Variants in S100A7A observed in about 807,000 individuals in gnomAD.
The protein encoded by S100A7A is protein S100-A7A.
A neutral mutation model predicts 4.0 loss-of-function variants in S100A7A; 5 were observed. The observed-to-expected ratio is 1.26, with a 90% CI of 0.66 to 2.66. The LOEUF is 2.66. Ranked by LOEUF, S100A7A falls within the 30% of genes most tolerant of loss-of-function variation. The pLI is 0.01. For missense variants in S100A7A, 159 were observed against 125.1 expected, an observed-to-expected ratio of 1.27 and a Z score of -1.29; for synonymous variants, 52 against 46.4, an observed-to-expected ratio of 1.12 and a Z score of -0.49.
In S100A7A at chr1:153,420,974, G is replaced by A. The variant is rs1235736395; in HGVS notation, c.*1665G>A. On this transcript the variant is annotated 3_prime_UTR_variant, in exon 3 of 3. Coordinates refer to ENST00000368729, the MANE Select transcript of S100A7A (RefSeq NM_176823.4). ...GTTGTCCTCCTCTCTCCTCCACCGGGACTGCTGGTCACTGCTTAGAACCGT... is the reference window on the plus strand; with the variant it reads ...GTTGTCCTCCTCTCTCCTCCACCGGAACTGCTGGTCACTGCTTAGAACCGT... 1.3e-5 allele frequency: 2 copies of A among 152,414 alleles called. No individual in the cohort carries two copies. Among genetic ancestry groups the A allele is most frequent in the Non-Finnish European group, 2.9e-5 (2 of 68,354 alleles). The allele number at this position is 152,414 out of a possible 1,614,324, so 9.4% of individuals were successfully genotyped here. A position where few individuals can be genotyped will look rare whatever the true frequency, so the allele number is the denominator to read the frequency against.
chr1:153,417,292 A>G (rs1208981160), intron 1 of S100A7A: 1 of 152,188 alleles, frequency 6.6e-6, no homozygotes, highest in Admixed American at 6.5e-5. Flanking sequence ...AGACATTTTT[A>G]TTTAAACAGG....
Position 153,418,051 on chromosome 1 carries a change from CTT to C in S100A7A, c.-17-13_-17-12del. 1.2e-6 allele frequency: 2 copies of C among 1,612,738 alleles called. No homozygotes were observed. Among genetic ancestry groups the C allele is most frequent in the South Asian group, 2.2e-5 (2 of 91,034 alleles). On this transcript the variant is annotated splice_polypyrimidine_tract_variant and intron_variant, in intron 1 of 2. Coordinates refer to ENST00000368729, the MANE Select transcript of S100A7A (RefSeq NM_176823.4). ...TCAAACTAAGGTAAGAAATGATTGT[CTT>C]TATTTCCTGAAGGCTTTTTGAAAGC... is the stretch of plus-strand genomic sequence containing the variant.
rs572385227 is a variant in S100A7A at position 153,419,546 on chromosome 1, G to A, written c.*237G>A. On this transcript the variant is annotated 3_prime_UTR_variant, in exon 3 of 3. Transcript: ENST00000368729. ...CAGAGCTGATCTGCCTCTCACACAG[G>A]TCCTGGTGTCTGCCTCTGCACCGTT... is the stretch of plus-strand genomic sequence containing the variant. 3 of 567,824 alleles carry A rather than the reference G, an allele frequency of 5.3e-6. No homozygotes were observed. Among genetic ancestry groups the A allele is most frequent in the African/African-American group, 3.8e-5 (2 of 53,316 alleles). 35.2% of individuals were successfully genotyped at this position (567,824 alleles called of 1,614,324 possible). A position where few individuals can be genotyped will look rare whatever the true frequency, so the allele number is the denominator to read the frequency against.
At chr1:153,418,955 T>C (rs758737396) in intron 2 of S100A7A, among the ~76,000 whole-genome samples, 190 bp from the exon 3 acceptor site, 26 of 152,078 alleles carry the variant, frequency 1.7e-4, no homozygotes, top group Non-Finnish European at 2.8e-4. Flanking sequence ...AAAAGTCTCC[T>C]TAGAGAACTC....
intron 2 of S100A7A, among the ~76,000 whole-genome samples, chr1:153,418,699 A>T (rs559305107): frequency 1.3e-5 from 2 of 152,242 alleles, no homozygotes; most frequent in Non-Finnish European, 2.9e-5. Context: ...GGTCTAGATG[A>T]CCAAGAGTAG....
intron 1 of S100A7A, chr1:153,417,203 T>C (rs1662744438): frequency 6.6e-6 from 1 of 152,294 alleles, no homozygotes; most frequent in South Asian, 2.1e-4. Context: ...AAATGAGAGC[T>C]GCACTGTCTT....
In S100A7A at chr1:153,420,396, G is replaced by A. The variant is rs866096183; in HGVS notation, c.*1087G>A. The A allele has an allele frequency of 2.0e-5, 3 of 152,148 alleles. No homozygotes were observed. The highest frequency in any genetic ancestry group is 6.5e-5 in the Admixed American group (1 of 15,274). The allele number at this position is 152,148 out of a possible 1,614,324, so 9.4% of individuals were successfully genotyped here. On this transcript the variant is annotated 3_prime_UTR_variant, in exon 3 of 3. Transcript: ENST00000368729. ...GCCGCTCTTAGTATTCTTCCTTGAGGCTCACATCATGTGTCCCTATCACTC... is the reference window on the plus strand; with the variant it reads ...GCCGCTCTTAGTATTCTTCCTTGAGACTCACATCATGTGTCCCTATCACTC...
At position 153,421,423 on chromosome 1, in the gene S100A7A, C is replaced by T. The variant is rs901444386; in HGVS notation, c.*2114C>T. On this transcript the variant is annotated 3_prime_UTR_variant, in exon 3 of 3. Transcript: ENST00000368729. ...GGGAAAACATTGTTACCTCGGATCT[C>T]CTGGTTACCCAGCACATAGTAGTAC... 2 of 152,238 alleles carry T rather than the reference C, an allele frequency of 1.3e-5. No homozygotes were observed. The highest frequency in any genetic ancestry group is 2.4e-5 in the African/African-American group (1 of 41,454). The allele number at this position is 152,238 out of a possible 1,614,324, so 9.4% of individuals were successfully genotyped here. A position where few individuals can be genotyped will look rare whatever the true frequency, so the allele number is the denominator to read the frequency against.
rs1662863568 is a variant in S100A7A, at chr1:153,420,259, A to T, written c.*950A>T. The T allele has an allele frequency of 6.6e-6, 1 of 152,196 alleles. No homozygotes were observed. Among genetic ancestry groups the T allele is most frequent in the East Asian group, 1.9e-4 (1 of 5,198 alleles). The allele number at this position is 152,196 out of a possible 1,614,324, so 9.4% of individuals were successfully genotyped here. A position where few individuals can be genotyped will look rare whatever the true frequency, so the allele number is the denominator to read the frequency against. Reference sequence around the variant, plus strand: ...AGTGTGTTATGGGCTGAGGATGCAGAAACAGGCAGGACACAGTGCTGTCCT... The same window carrying T: ...AGTGTGTTATGGGCTGAGGATGCAGTAACAGGCAGGACACAGTGCTGTCCT... On this transcript the variant is annotated 3_prime_UTR_variant, in exon 3 of 3. Transcript: ENST00000368729.
rs537381836 is a variant in S100A7A at position 153,421,391 on chromosome 1, T to A, written c.*2082T>A. ...AATGTCTTTCCAGCCAGACTTGGAA[T>A]CATGGAGGGAAAACATTGTTACCTC... On this transcript the variant is annotated 3_prime_UTR_variant, in exon 3 of 3. Transcript: ENST00000368729. 1.3e-5 allele frequency: 2 copies of A among 152,350 alleles called. No individual in the cohort carries two copies. Among genetic ancestry groups the A allele is most frequent in the East Asian group, 3.9e-4 (2 of 5,186 alleles). 9.4% of individuals were successfully genotyped at this position (152,350 alleles called of 1,614,324 possible).
At chr1:153,416,927 G>A (rs1662732778) in intron 1 of S100A7A, among the ~76,000 whole-genome samples, 2 of 152,232 alleles carry the variant, frequency 1.3e-5, no homozygotes, top group South Asian at 4.1e-4. Context: ...CCCCCACAGA[G>A]GGAGGAGGGA....
In S100A7A at chr1:153,419,349, A is replaced by G; in HGVS notation, c.*40A>G. ...GGGGCCTCCAGAGACCCCAGGAACA[A>G]TAAGTGTCTCCTCCCACCAGACACT... On this transcript the variant is annotated 3_prime_UTR_variant, in exon 3 of 3. Transcript: ENST00000368729. The G allele has an allele frequency of 6.3e-7, 1 of 1,585,568 alleles. No individual in the cohort carries two copies. The highest frequency in any genetic ancestry group is 8.6e-7 in the Non-Finnish European group (1 of 1,165,328).
intron 1 of S100A7A, chr1:153,417,113 G>T (rs41264640): frequency 6.6e-6 from 1 of 152,542 alleles, no homozygotes; most frequent in South Asian, 2.1e-4. Context: ...TTTCTCCTGC[G>T]TTGAGAGGTG....
rs962211724 is a variant in S100A7A, at chr1:153,419,470, G to C, written c.*161G>C. On this transcript the variant is annotated 3_prime_UTR_variant, in exon 3 of 3. Transcript: ENST00000368729. ...GAATTTCCCCCACCCCCATCCAGTG[G>C]GTCACCCAGGAGTAATGTCCCTCCA... The C allele has an allele frequency of 1.0e-5, 8 of 786,752 alleles. No individual in the cohort carries two copies. The African/African-American group carries it at 1.2e-4, about 12-fold the overall frequency. The allele number at this position is 786,752 out of a possible 1,614,324, so 48.7% of individuals were successfully genotyped here.
Position 153,419,340 on chromosome 1 carries a change from C to T in S100A7A, c.*31C>T. 2.5e-6 allele frequency: 4 copies of T among 1,598,996 alleles called. No individual in the cohort carries two copies. The highest frequency in any genetic ancestry group is 3.4e-6 in the Non-Finnish European group (4 of 1,173,478). On this transcript the variant is annotated 3_prime_UTR_variant, in exon 3 of 3. Coordinates refer to ENST00000368729, the MANE Select transcript of S100A7A (RefSeq NM_176823.4). ...CCCCACCAAGGGGCCTCCAGAGACC[C>T]CAGGAACAATAAGTGTCTCCTCCCA...
chr1:153,417,274 G>A (rs1299767654), intron 1 of S100A7A: 2 of 152,276 alleles, frequency 1.3e-5, no homozygotes, highest in African/African-American at 2.4e-5. Context: ...GATCTGCTTT[G>A]GAAAGTCAGA....
chr1:153,418,673 C>T (rs1156362099), intron 2 of S100A7A, among the ~76,000 whole-genome samples: 3 of 152,172 alleles, frequency 2.0e-5, no homozygotes, highest in African/African-American at 7.2e-5. Flanking sequence ...AACCTGTGGG[C>T]TACTAGGTAC....
In S100A7A at chr1:153,419,231, G is replaced by C. The variant is rs1186658557; in HGVS notation, c.228G>C (p.Leu76=). ...EDKKIDFSEF[L]SLLGDIAADY... ...AGAAGATTGATTTTTCTGAGTTTCTGTCCTTGCTGGGAGACATAGCCGCAG... is the reference window on the plus strand; with the variant it reads ...AGAAGATTGATTTTTCTGAGTTTCTCTCCTTGCTGGGAGACATAGCCGCAG... Residue 76 remains leucine, a synonymous_variant, in exon 3 of 3, where the codon CTG becomes CTC. Coordinates refer to ENST00000368729, the MANE Select transcript of S100A7A (RefSeq NM_176823.4). 1.2e-6 allele frequency: 2 copies of C among 1,614,194 alleles called. No homozygotes were observed. Among genetic ancestry groups the C allele is most frequent in the South Asian group, 2.2e-5 (2 of 91,082 alleles).
intron 2 of S100A7A, among the ~76,000 whole-genome samples, 176 bp downstream of exon 2, chr1:153,418,399 A>G (rs538078551): frequency 6.6e-6 from 1 of 152,232 alleles, no homozygotes; most frequent in Non-Finnish European, 1.5e-5. Flanking sequence ...GCGAAAAAGT[A>G]TGAAAATGGG....
Sources: allele counts gnomAD v4.1 joint callset (sites outside exome capture counted in the v4.1 genomes callset), GRCh38; gene constraint gnomAD v4.1.1; transcripts MANE v1.5; gene names NCBI Gene and HGNC (gene_info 2026-07-23, HGNC 2026-07-21).